R3HCC1L: variants seen among roughly 807,000 people sequenced by gnomAD.
R3HCC1L encodes coiled-coil domain-containing protein R3HCC1L.
In R3HCC1L, 51 loss-of-function variants were observed where a neutral mutation model predicts 59.9. The ratio of observed to expected loss-of-function variants is 0.85; its 90% CI spans 0.68 to 1.07. The LOEUF (loss-of-function observed/expected upper bound fraction) is 1.07. Among genes scored for constraint, R3HCC1L ranks in the 50% least tolerant of loss-of-function variants. The probability of loss-of-function intolerance (pLI) is 0.00; values close to 1 mark genes in which losing one functional copy is unlikely to be tolerated. For synonymous variants in R3HCC1L, 322 were observed against 315.2 expected (o/e 1.02, Z -0.23); for missense variants, 965 against 933.0 (o/e 1.03, Z -0.45).
chr10:98,161,779 A>G (rs769941716), intron 2 of R3HCC1L, among the ~76,000 whole-genome samples: 2 of 152,192 alleles, frequency 1.3e-5, no homozygotes, highest in Non-Finnish European at 2.9e-5. Context: ...ATTATCACAC[A>G]CTTTCAATTA....
chr10:98,153,180 G>T (rs1224578265), intron 1 of R3HCC1L, among the ~76,000 whole-genome samples: 2 of 152,244 alleles, frequency 1.3e-5, no homozygotes, highest in South Asian at 4.1e-4. Flanking sequence ...AAGGGGGAAA[G>T]GTGGGGAGAA....
intron 2 of R3HCC1L, among the ~76,000 whole-genome samples, chr10:98,162,161 AT>A (rs1847486631): frequency 6.6e-6 from 1 of 151,086 alleles, no homozygotes; most frequent in Non-Finnish European, 1.5e-5. Flanking sequence ...TGTCTGCATG[AT>A]TTTCTACAGT....
At chr10:98,174,114 A>T (rs184662971) in intron 4 of R3HCC1L, among the ~76,000 whole-genome samples, 8 of 152,332 alleles carry the variant, frequency 5.3e-5, no homozygotes, top group Admixed American at 5.2e-4. Flanking sequence ...AAATTAGAGA[A>T]CATTTCAAAG....
intron 4 of R3HCC1L, among the ~76,000 whole-genome samples, chr10:98,201,881 ATTTT>A (rs145665708): frequency 3.1e-4 from 44 of 143,324 alleles, no homozygotes; most frequent in African/African-American, 7.5e-4. Flanking sequence ...GAAAGATGAG[ATTTT>A]TTTTTTTTTT....
intron 1 of R3HCC1L, among the ~76,000 whole-genome samples, chr10:98,136,450 G>A (rs1844591054): frequency 6.6e-6 from 1 of 152,100 alleles, no homozygotes. Context: ...TCTTTGGGAT[G>A]GGACCCCAAT....
chr10:98,150,494 G>A (rs1424152475), intron 1 of R3HCC1L, among the ~76,000 whole-genome samples: 1 of 151,602 alleles, frequency 6.6e-6, no homozygotes, highest in Admixed American at 6.6e-5. Context: ...GTGATTCTTT[G>A]TAATACATCT....
intron 2 of R3HCC1L, among the ~76,000 whole-genome samples, chr10:98,159,608 A>G (rs1252819767): frequency 4.6e-5 from 7 of 152,156 alleles, no homozygotes; most frequent in Non-Finnish European, 7.4e-5. Context: ...AATTTTCATA[A>G]TGGTCCTTAA....
chr10:98,139,140 C>G (rs970618635), intron 1 of R3HCC1L, among the ~76,000 whole-genome samples: 1 of 152,112 alleles, frequency 6.6e-6, no homozygotes, highest in Non-Finnish European at 1.5e-5. Context: ...GAGTCTGTGA[C>G]CTTGTCCTCA....
intron 3 of R3HCC1L, 42 bp from the exon 4 acceptor site, chr10:98,163,251 T>C (rs1847619553): frequency 9.1e-6 from 4 of 440,270 alleles, no homozygotes; most frequent in South Asian, 9.0e-5. Context: ...AAGAAATAAC[T>C]GTGTATTTTT....
At chr10:98,155,624 GA>G (rs549209166) in intron 1 of R3HCC1L, among the ~76,000 whole-genome samples, 8 of 149,848 alleles carry the variant, frequency 5.3e-5, no homozygotes, top group African/African-American at 1.2e-4. Context: ...TCCAATAGTG[GA>G]AAAAAAAAGG....
chr10:98,183,509 A>T (rs1440208177), intron 4 of R3HCC1L, among the ~76,000 whole-genome samples: 1 of 151,744 alleles, frequency 6.6e-6, no homozygotes, highest in African/African-American at 2.4e-5. Context: ...CTTTTGTATT[A>T]ATTTTGAAAA....
At chr10:98,238,195 G>C in intron 9 of R3HCC1L, among the ~76,000 whole-genome samples, 1 of 152,166 alleles carries the variant, frequency 6.6e-6, no homozygotes, top group Admixed American at 6.5e-5. Context: ...ACAGATTTCA[G>C]TGCATATTTT....
chr10:98,191,740 G>A (rs1850876135), intron 4 of R3HCC1L, among the ~76,000 whole-genome samples: 1 of 152,108 alleles, frequency 6.6e-6, no homozygotes, highest in Admixed American at 6.5e-5. Context: ...CATATGTCCT[G>A]AATGGTATTG....
chr10:98,196,640 G>A lies in R3HCC1L; in HGVS notation c.-14-11461G>A, dbSNP rs141137159. On this transcript the variant is annotated intron_variant, in intron 4 of 9. Coordinates refer to ENST00000298999, the MANE Select transcript of R3HCC1L (RefSeq NM_001351015.2). ...ACAATCAGTCCATAAAGTTTTGTTAGCTTTGCTTTCAGATTCTATGATTAA... is the reference window on the plus strand; with the variant it reads ...ACAATCAGTCCATAAAGTTTTGTTAACTTTGCTTTCAGATTCTATGATTAA... Among the ~76,000 whole-genome samples the A allele has an allele frequency of 3.0e-3, 455 of 152,168 alleles. 4 individuals are homozygous for A. The highest frequency in any genetic ancestry group is 9.3e-3 in the African/African-American group (387 of 41,528).
At chr10:98,153,575 C>A (rs1252981597) in intron 1 of R3HCC1L, among the ~76,000 whole-genome samples, 1 of 149,464 alleles carries the variant, frequency 6.7e-6, no homozygotes, top group African/African-American at 2.5e-5. Context: ...CCTGCCAAAT[C>A]CCCCTCTGCG....
intron 1 of R3HCC1L, among the ~76,000 whole-genome samples, chr10:98,141,620 CTGG>C (rs1336767725): frequency 6.6e-6 from 1 of 152,222 alleles, no homozygotes; most frequent in African/African-American, 2.4e-5. Context: ...GATTCAAAAG[CTGG>C]TGGTGACTTT....
intron 9 of R3HCC1L, among the ~76,000 whole-genome samples, chr10:98,241,923 T>C (rs1376291772): frequency 4.6e-5 from 7 of 152,236 alleles, no homozygotes; most frequent in African/African-American, 1.7e-4. Flanking sequence ...ATTCATGTTC[T>C]TGTATTTCTA....
chr10:98,208,609 G>A lies in R3HCC1L; in HGVS notation c.495G>A (p.Gln165=), dbSNP rs1381775538. ...VTGHERILLS[Q]ACLEISEAQV... ...GACATGAGAGGATACTTCTTTCACA[G>A]GCCTGTTTAGAAATCAGCGAGGCTC... Residue 165 remains glutamine (Q), a synonymous_variant, in exon 5 of 10, where the codon CAG becomes CAA. Transcript: ENST00000298999. 1 of 1,614,070 alleles carries A rather than the reference G, an allele frequency of 6.2e-7. No individual in the cohort carries two copies. The highest frequency in any genetic ancestry group is 8.5e-7 in the Non-Finnish European group (1 of 1,180,004).
At chr10:98,230,102 A>T (rs1196556381) in intron 5 of R3HCC1L, among the ~76,000 whole-genome samples, 1 of 152,164 alleles carries the variant, frequency 6.6e-6, no homozygotes, top group African/African-American at 2.4e-5. Context: ...TCATAAAATG[A>T]GTTATGGAGG....
Sources: gnomAD v4.1 joint callset for allele counts (sites outside exome capture counted in the v4.1 genomes callset) on GRCh38, gnomAD v4.1.1 for gene constraint, MANE v1.5 for transcripts, NCBI Gene and HGNC (gene_info 2026-07-23, HGNC 2026-07-21) for gene names.